The following TLE6 variants were observed in gnomAD, a reference collection of about 807,000 sequenced individuals.
TLE6 encodes transducin-like enhancer protein 6.
In TLE6, 72 loss-of-function variants were observed where a neutral mutation model predicts 77.1. That is an observed-to-expected ratio of 0.93 (90% CI 0.77 to 1.14). The LOEUF (loss-of-function observed/expected upper bound fraction) is 1.14, where lower values mean the gene tolerates loss of function less well. Ranked by LOEUF, TLE6 falls within the 50% of genes most tolerant of loss-of-function variation. The probability of loss-of-function intolerance (pLI) is 0.00; values close to 1 mark genes in which losing one functional copy is unlikely to be tolerated. For synonymous variants in TLE6, 366 were observed against 287.3 expected, an observed-to-expected ratio of 1.27 and a Z score of -2.77; for missense variants, 843 against 747.6, an observed-to-expected ratio of 1.13 and a Z score of -1.49.
chr19:2,991,395 T>TACAC (rs373594184), intron 13 of TLE6, among the ~76,000 whole-genome samples: 5,023 of 114,034 alleles, frequency 0.044, 232 homozygotes, highest in East Asian at 0.16. Flanking sequence ...TATATATATA[T>TACAC]ACACACACAC....
intron 2 of TLE6, among the ~76,000 whole-genome samples, chr19:2,979,601 C>T (rs746794879): frequency 6.6e-6 from 1 of 151,892 alleles, no homozygotes; most frequent in Non-Finnish European, 1.5e-5. Context: ...ATGTGGTGAA[C>T]ATTTTAGACT....
At chr19:2,984,729 A>G (rs1162520580) in intron 5 of TLE6, among the ~76,000 whole-genome samples, 2 of 152,008 alleles carry the variant, frequency 1.3e-5, no homozygotes. Context: ...CAGCCTCTCA[A>G]AGTGCTGGGA....
rs1340460999 is a variant in TLE6 at position 2,980,735 on chromosome 19, C to CT, written c.134+556dup. On this transcript the variant is annotated intron_variant, in intron 3 of 16. Coordinates refer to ENST00000246112, the MANE Select transcript of TLE6 (RefSeq NM_001143986.2). ...CTAAGGCTACAGAGTGAGACTCGGT[C>CT]TTTAAAAAAAAAAAAAAAAAAAAGT... Among the ~76,000 whole-genome samples the CT allele has an allele frequency of 1.2e-4, 14 of 115,288 alleles. No individual in the cohort carries two copies. The East Asian group carries it at 1.9e-3, about 15-fold the overall frequency. 75.6% of individuals were successfully genotyped at this position (115,288 alleles called of 152,430 possible). A position where few individuals can be genotyped will look rare whatever the true frequency, so the allele number is the denominator to read the frequency against.
In TLE6 at chr19:2,989,042, C is replaced by T; in HGVS notation, c.741-19C>T. The T allele has an allele frequency of 1.2e-6, 2 of 1,609,710 alleles. No individual in the cohort carries two copies. On this transcript the variant is annotated intron_variant, in intron 11 of 16. Coordinates refer to ENST00000246112, the MANE Select transcript of TLE6 (RefSeq NM_001143986.2). ...GGGCTCACAAGCAGGTCAGTTACCC[C>T]AAGGCCTCCCCTCCCAAGATCCTGG...
chr19:2,988,581 G>A (rs2088969789), intron 11 of TLE6, among the ~76,000 whole-genome samples: 2 of 152,162 alleles, frequency 1.3e-5, no homozygotes, highest in East Asian at 3.9e-4. Flanking sequence ...CTGAGTGACA[G>A]CAAGACTCCG....
At position 2,995,083 on chromosome 19, in the gene TLE6, T is replaced by C; in HGVS notation, c.*79T>C. The C allele has an allele frequency of 1.1e-6, 1 of 917,578 alleles. No individual in the cohort carries two copies. Among genetic ancestry groups the C allele is most frequent in the Non-Finnish European group, 1.7e-6 (1 of 595,136 alleles). 56.8% of individuals were successfully genotyped at this position (917,578 alleles called of 1,614,324 possible). ...CCCCCCCCCAACAAGGGGGACATGG[T>C]GGAGGGAAGCGGGAAGGCTCTTCTG... On this transcript the variant is annotated 3_prime_UTR_variant, in exon 17 of 17. Coordinates refer to ENST00000246112, the MANE Select transcript of TLE6 (RefSeq NM_001143986.2).
intron 4 of TLE6, 74 bp downstream of exon 4, chr19:2,981,657 T>C: frequency 6.7e-7 from 1 of 1,481,942 alleles, no homozygotes; most frequent in South Asian, 1.2e-5. Flanking sequence ...TTCCCGGCCC[T>C]GCCTCCTGAG....
chr19:2,980,196 C>A lies in TLE6; in HGVS notation c.134+14C>A. On this transcript the variant is annotated intron_variant, in intron 3 of 16. Transcript: ENST00000246112. ...GCAGTTCCCCAGGTGAGAGCAATTC[C>A]AGGGGCCGGAGGTCTCACGCTGGGA... 6.5e-7 allele frequency: 1 copy of A among 1,544,364 alleles called. No homozygotes were observed. Among genetic ancestry groups the A allele is most frequent in the Non-Finnish European group, 8.8e-7 (1 of 1,142,372 alleles).
At chr19:2,982,563 T>TG (rs1228241534) in intron 5 of TLE6, among the ~76,000 whole-genome samples, 4 of 91,806 alleles carry the variant, frequency 4.4e-5, no homozygotes, top group African/African-American at 1.2e-4. Context: ...AAAAAGGAGG[T>TG]GGGGGATGGT....
chr19:2,980,272 G>A, intron 3 of TLE6, 90 bp downstream of exon 3: 1 of 1,042,614 alleles, frequency 9.6e-7, no homozygotes, highest in Non-Finnish European at 1.4e-6. Flanking sequence ...TGGTCTAGAG[G>A]CTGCTGGCCC....
chr19:2,994,076 C>A lies in TLE6; in HGVS notation c.1595C>A (p.Ala532Glu). Residue 532 changes from alanine (A) to glutamate (E), a missense_variant, in exon 16 of 17, where the codon GCG becomes GAG. Ala to Glu is a moderately radical substitution (Grantham distance 107). Coordinates refer to ENST00000246112, the MANE Select transcript of TLE6 (RefSeq NM_001143986.2). ...DDFLGVYSMP[A>E]GTKVFEVPEM... ...TTCCTTGGCGTCTACAGCATGCCGG[C>A]GGGGACAAAAGTGTTCGAGGTACTG... 3 of 1,605,536 alleles carry A rather than the reference C, an allele frequency of 1.9e-6. No homozygotes were observed. Among genetic ancestry groups the A allele is most frequent in the Non-Finnish European group, 2.5e-6 (3 of 1,177,002 alleles).
intron 3 of TLE6, chr19:2,980,472 G>C: frequency 3.9e-6 from 1 of 255,358 alleles, no homozygotes; most frequent in East Asian, 1.1e-4. Context: ...ATGGTGGCTC[G>C]CACCTGTAAT....
chr19:2,995,031 C>A lies in TLE6; in HGVS notation c.*27C>A. 1 of 1,434,758 alleles carries A rather than the reference C, an allele frequency of 7.0e-7. No individual in the cohort carries two copies. Among genetic ancestry groups the A allele is most frequent in the Non-Finnish European group, 9.6e-7 (1 of 1,046,678 alleles). The allele number at this position is 1,434,758 out of a possible 1,614,324, so 88.9% of individuals were successfully genotyped here. On this transcript the variant is annotated 3_prime_UTR_variant, in exon 17 of 17. Transcript: ENST00000246112. ...GGGCCTCGCTGCTGTCATCCCACTC[C>A]GGCTCCTCTTTTCATCCCCCCCCTT...
chr19:2,980,246 C>T (rs1419945092), intron 3 of TLE6, 64 bp downstream of exon 3: 12 of 1,405,752 alleles, frequency 8.5e-6, no homozygotes, highest in African/African-American at 2.9e-5. Context: ...GCCTCTCTCC[C>T]GGGGGTCCTA....
At chr19:2,987,323 T>C in intron 7 of TLE6, 33 bp from the exon 8 acceptor site, 1 of 1,614,020 alleles carries the variant, frequency 6.2e-7, no homozygotes, top group Non-Finnish European at 8.5e-7. Flanking sequence ...GTTCTCTCTG[T>C]CCCCCTCCTC....
chr19:2,986,765 C>T lies in TLE6; in HGVS notation c.223-64C>T, dbSNP rs1466884988. The T allele has an allele frequency of 7.5e-6, 11 of 1,470,264 alleles. No individual in the cohort carries two copies. In the Admixed American group the frequency reaches 1.0e-4, roughly 13 times the overall value. The allele number at this position is 1,470,264 out of a possible 1,614,324, so 91.1% of individuals were successfully genotyped here. A position where few individuals can be genotyped will look rare whatever the true frequency, so the allele number is the denominator to read the frequency against. ...TCTTCTACAGGTGGGGATAATCATGCTGTAGGATTGCAAACCCTTAACTGC... is the reference window on the plus strand; with the variant it reads ...TCTTCTACAGGTGGGGATAATCATGTTGTAGGATTGCAAACCCTTAACTGC... On this transcript the variant is annotated intron_variant, in intron 5 of 16. Coordinates refer to ENST00000246112, the MANE Select transcript of TLE6 (RefSeq NM_001143986.2).
chr19:2,992,796 GGGGGA>G (rs1568219647), intron 14 of TLE6, among the ~76,000 whole-genome samples: 2 of 70,586 alleles, frequency 2.8e-5, no homozygotes, highest in African/African-American at 5.1e-5. Context: ...AAAAAAAAGG[GGGGGA>G]GGCGGGTGGG....
chr19:2,984,296 T>C (rs946712361), intron 5 of TLE6: 1 of 150,582 alleles, frequency 6.6e-6, no homozygotes, highest in Non-Finnish European at 1.5e-5. Flanking sequence ...CGGGCTCAGC[T>C]GGGAAATCCA....
At chr19:2,979,977 AAAAGC>A in intron 2 of TLE6, 118 bp from the exon 3 acceptor site, 1 of 707,154 alleles carries the variant, frequency 1.4e-6, no homozygotes. Flanking sequence ...AAAAAAAAAA[AAAAGC>A]AAAAACCACA....
Sources: gnomAD v4.1 joint callset for allele counts (sites outside exome capture counted in the v4.1 genomes callset) on GRCh38, gnomAD v4.1.1 for gene constraint, MANE v1.5 for transcripts, NCBI Gene and HGNC (gene_info 2026-07-23, HGNC 2026-07-21) for gene names.